CACNA1C: variants seen among roughly 807,000 people sequenced by gnomAD.
CACNA1C encodes the protein voltage-dependent L-type calcium channel subunit alpha-1C.
A neutral mutation model predicts 229.0 loss-of-function variants in CACNA1C; 30 were observed. The ratio of observed to expected loss-of-function variants is 0.13; its 90% confidence interval spans 0.10 to 0.18. CACNA1C has a LOEUF of 0.18. Among genes scored for constraint, CACNA1C ranks in the 10% least tolerant of loss-of-function variants. The pLI is 1.00. For missense variants in CACNA1C, 1,658 were observed against 2,845.0 expected (o/e 0.58, Z 9.49); for synonymous variants, 1,114 against 1,132.5 (o/e 0.98, Z 0.33).
chr12:2,071,329 C>T lies in CACNA1C; in HGVS notation c.49+17718C>T, dbSNP rs1002823580. 3.3e-5 allele frequency among the ~76,000 whole-genome samples: 5 copies of T among 151,246 alleles called. No homozygotes were observed. In the South Asian group the frequency reaches 1.1e-3, roughly 32 times the overall value. ...ACCTCCCAGGCTCAAGCAATCCTTC[C>T]ACCTCAGCCTCCTGAGTAGCTGGGA... On this transcript the variant is annotated intron_variant, in intron 1 of 46. Transcript: ENST00000399655.
intron 10 of CACNA1C, among the ~76,000 whole-genome samples, chr12:2,552,514 G>C (rs1005815395): frequency 6.6e-6 from 1 of 152,224 alleles, no homozygotes. Flanking sequence ...TCAGAAGAGT[G>C]TGAGAAGTCA....
At chr12:2,022,811 C>G (rs960631252) in intron 1 of CACNA1C, among the ~76,000 whole-genome samples, 1 of 152,144 alleles carries the variant, frequency 6.6e-6, no homozygotes, top group African/African-American at 2.4e-5. Context: ...TTGTAATACC[C>G]TTATATCATC....
At position 2,069,528 on chromosome 12, in the gene CACNA1C, C is replaced by T. The variant is rs140969082; in HGVS notation, c.49+15917C>T. Among the ~76,000 whole-genome samples, 519 of 152,254 alleles carry T rather than the reference C, an allele frequency of 3.4e-3. 3 individuals are homozygous for T. The highest frequency in any genetic ancestry group is 0.012 in the African/African-American group (480 of 41,534). ...TAACCCCTGAAAGACAGCATGTGGTCACAAGATACAGCCATATCTGGGAGC... is the reference window on the plus strand; with the variant it reads ...TAACCCCTGAAAGACAGCATGTGGTTACAAGATACAGCCATATCTGGGAGC... On this transcript the variant is annotated intron_variant, in intron 1 of 46. Coordinates refer to ENST00000399655, the MANE Select transcript of CACNA1C (RefSeq NM_000719.7).
At chr12:2,599,062 G>T (rs534166284) in intron 21 of CACNA1C, among the ~76,000 whole-genome samples, 1 of 152,168 alleles carries the variant, frequency 6.6e-6, no homozygotes, top group Non-Finnish European at 1.5e-5. Flanking sequence ...GACAAGAGAC[G>T]CTCTGAGGCC....
chr12:2,431,348 A>C (rs1460888805), intron 3 of CACNA1C, among the ~76,000 whole-genome samples: 1 of 152,254 alleles, frequency 6.6e-6, no homozygotes, highest in East Asian at 1.9e-4. Flanking sequence ...TCAGACTCAC[A>C]GAGGCTGTGT....
intron 3 of CACNA1C, among the ~76,000 whole-genome samples, chr12:2,315,551 T>C (rs532836084): frequency 1.3e-5 from 2 of 152,304 alleles, no homozygotes; most frequent in Admixed American, 6.5e-5. Flanking sequence ...ATCACAGTTC[T>C]CATTCAGGAA....
rs1342681009 is a variant in CACNA1C at position 2,493,396 on chromosome 12, A to G, written c.1113+10A>G. 1.9e-6 allele frequency: 3 copies of G among 1,600,546 alleles called. No homozygotes were observed. Among genetic ancestry groups the G allele is most frequent in the South Asian group, 2.2e-5 (2 of 90,752 alleles). The stretch of plus-strand genomic sequence containing the variant: ...GGACGTGCTGTACTGGGTACGTAGC[A>G]TGAGTGGGCAGTCAGAGGGTGGGGG... On this transcript the variant is annotated intron_variant, in intron 7 of 46. Coordinates refer to ENST00000399655, the MANE Select transcript of CACNA1C (RefSeq NM_000719.7). This position sits in a 1 kb window ranked among gnomAD's most constrained non-coding sequence, Gnocchi z 4.6.
chr12:2,039,999 G>A (rs1346819685), intron 1 of CACNA1C, among the ~76,000 whole-genome samples: 2 of 152,038 alleles, frequency 1.3e-5, no homozygotes, highest in Non-Finnish European at 2.9e-5. Flanking sequence ...TGGATGCCAT[G>A]GAAAGCCTGA....
intron 9 of CACNA1C, among the ~76,000 whole-genome samples, chr12:2,537,078 C>T (rs1015771260): frequency 4.6e-5 from 7 of 152,190 alleles, no homozygotes; most frequent in African/African-American, 1.7e-4. Context: ...GGCAGGGAGG[C>T]CCTGGGCAGG....
intron 29 of CACNA1C, among the ~76,000 whole-genome samples, chr12:2,620,323 CAGGCTT>C (rs2082623710): frequency 6.6e-6 from 1 of 152,302 alleles, no homozygotes; most frequent in South Asian, 2.1e-4. Flanking sequence ...GATTCTATTG[CAGGCTT>C]AGGTGACTCA....
intron 3 of CACNA1C, among the ~76,000 whole-genome samples, chr12:2,244,106 G>A (rs2071886411): frequency 1.3e-5 from 2 of 152,364 alleles, no homozygotes; most frequent in South Asian, 2.1e-4. Flanking sequence ...TGCCCACTCT[G>A]TGGGGCCATC....
At chr12:2,578,933 T>TCCCAGGAG (rs1433209976) in intron 13 of CACNA1C, among the ~76,000 whole-genome samples, 1 of 152,112 alleles carries the variant, frequency 6.6e-6, no homozygotes, top group Non-Finnish European at 1.5e-5. Context: ...ATCTCTGCCT[T>TCCCAGGAG]CCCAGGAGTG....
intron 5 of CACNA1C, among the ~76,000 whole-genome samples, chr12:2,468,617 C>G (rs1391643066): frequency 6.6e-6 from 1 of 152,226 alleles, no homozygotes; most frequent in Non-Finnish European, 1.5e-5. Context: ...GTAGGGCGCC[C>G]TGCCTGGCTC....
In CACNA1C at chr12:2,053,360, G is replaced by C. The variant is rs1326370584; in HGVS notation, c.-203G>C. On this transcript the variant is annotated 5_prime_UTR_variant, in exon 1 of 47. Coordinates refer to ENST00000399655, the MANE Select transcript of CACNA1C (RefSeq NM_000719.7). This position sits in a 1 kb window ranked among gnomAD's most constrained non-coding sequence, Gnocchi z 5.8. ...TCACTCGAGGAGGCAGTAGTGGAAA[G>C]GAGCAGTTTTTGGGGTTTGATGCCA... 1 of 1,351,980 alleles carries C rather than the reference G, an allele frequency of 7.4e-7. No homozygotes were observed. Among genetic ancestry groups the C allele is most frequent in the Non-Finnish European group, 9.5e-7 (1 of 1,050,764 alleles). 83.7% of individuals were successfully genotyped at this position (1,351,980 alleles called of 1,614,324 possible).
At chr12:1,989,404 A>AAAAGGG (rs779913681) in intron 1 of CACNA1C, among the ~76,000 whole-genome samples, 33 of 151,858 alleles carry the variant, frequency 2.2e-4, no homozygotes, top group African/African-American at 5.8e-4. Flanking sequence ...AAGAGGAAAG[A>AAAAGGG]AAAGGGAAAG....
intron 3 of CACNA1C, among the ~76,000 whole-genome samples, chr12:2,217,118 C>A (rs1473686711): frequency 6.6e-6 from 1 of 152,088 alleles, no homozygotes; most frequent in Non-Finnish European, 1.5e-5. Context: ...CATGGATGAA[C>A]CTTGAGAACA....
intron 1 of CACNA1C, among the ~76,000 whole-genome samples, chr12:2,028,617 G>A (rs1229031984): frequency 2.6e-5 from 4 of 152,250 alleles, no homozygotes; most frequent in African/African-American, 9.6e-5. Flanking sequence ...CCTGTCTATG[G>A]AGAGGCTGTG....
intron 3 of CACNA1C, among the ~76,000 whole-genome samples, chr12:2,324,164 A>T (rs1371603402): frequency 6.6e-6 from 1 of 152,164 alleles, no homozygotes; most frequent in South Asian, 2.1e-4. Context: ...ATGCTTAAAG[A>T]TGACTCACTC....
rs1396589327 is a variant in CACNA1C, at chr12:2,479,345, G to T, written c.758-6759G>T. Among the ~76,000 whole-genome samples the T allele has an allele frequency of 6.6e-6, 1 of 152,150 alleles. No individual in the cohort carries two copies. Among genetic ancestry groups the T allele is most frequent in the Non-Finnish European group, 1.5e-5 (1 of 68,032 alleles). On this transcript the variant is annotated intron_variant, in intron 5 of 46. Transcript: ENST00000399655. This position sits in a 1 kb window ranked among gnomAD's most constrained non-coding sequence, Gnocchi z 4.3. ...TCTGCCCACTTCTGCCTCCTGAAGT[G>T]CTGGGATTACAAGCCTAAAGCCACT...
Sources: gnomAD v4.1 joint callset for allele counts (sites outside exome capture counted in the v4.1 genomes callset) on GRCh38, gnomAD v4.1.1 for gene constraint, Gnocchi (gnomAD v3.1) non-coding constraint, MANE v1.5 for transcripts, NCBI Gene and HGNC (gene_info 2026-07-23, HGNC 2026-07-21) for gene names.